Variants in SLC2A5 observed in about 807,000 individuals in gnomAD.
SLC2A5 encodes the protein solute carrier family 2, facilitated glucose transporter member 5.
In SLC2A5, 56 loss-of-function variants were observed where a neutral mutation model predicts 50.3. That is an observed-to-expected ratio of 1.11 (90% CI 0.90 to 1.39). The LOEUF (loss-of-function observed/expected upper bound fraction) is 1.39. Among genes scored for constraint, SLC2A5 ranks in the 40% most tolerant of loss-of-function variants. The pLI is 0.00. For synonymous variants in SLC2A5, 269 were observed against 281.9 expected, an observed-to-expected ratio of 0.95 and a Z score of 0.46; for missense variants, 566 against 650.1, an observed-to-expected ratio of 0.87 and a Z score of 1.41.
chr1:9,071,415 C>A (rs995135236), upstream of SLC2A5, among the ~76,000 whole-genome samples: 2 of 152,118 alleles, frequency 1.3e-5, no homozygotes, highest in Non-Finnish European at 2.9e-5. Context: ...TCTCCGTCCC[C>A]CATCCTCCCC....
chr1:9,088,191 G>C (rs748601458), intron 1 of SLC2A5, among the ~76,000 whole-genome samples: 5 of 151,612 alleles, frequency 3.3e-5, no homozygotes, highest in Non-Finnish European at 5.9e-5. Context: ...TCCTCCCTGG[G>C]TTTTTCCTTC....
At chr1:9,055,639 C>T (rs1641731877) in intron 3 of SLC2A5, among the ~76,000 whole-genome samples, 1 of 152,042 alleles carries the variant, frequency 6.6e-6, no homozygotes, top group East Asian at 1.9e-4. Flanking sequence ...ACACTGGCCA[C>T]ATGCAGTGTT....
intron 1 of SLC2A5, among the ~76,000 whole-genome samples, chr1:9,060,125 C>CA (rs1641882787): frequency 2.1e-5 from 3 of 143,832 alleles, no homozygotes; most frequent in South Asian, 2.3e-4. Flanking sequence ...ACTATACACA[C>CA]ACACAACACA....
chr1:9,039,706 G>A, intron 7 of SLC2A5, 44 bp from the exon 8 acceptor site: 1 of 1,456,490 alleles, frequency 6.9e-7, no homozygotes, highest in Non-Finnish European at 9.1e-7. Flanking sequence ...GGAGGAGGCG[G>A]CCTCGGCGCC....
Position 9,040,325 on chromosome 1 carries a change from A to G in SLC2A5, c.572-136T>C. 9.3e-7 allele frequency: 1 copy of G among 1,071,952 alleles called. No individual in the cohort carries two copies. The highest frequency in any genetic ancestry group is 1.3e-6 in the Non-Finnish European group (1 of 766,446). 66.4% of individuals were successfully genotyped at this position (1,071,952 alleles called of 1,614,324 possible). On this transcript the variant is annotated intron_variant, in intron 5 of 11. Transcript: ENST00000377424. This position sits in a 1 kb window ranked among gnomAD's most constrained non-coding sequence, Gnocchi z 4.3. ...GGGCACAGCTTTCCCAGCCCTAAGAACAGCAACTCCCGACGGTGGACACTC... is the reference window on the plus strand; with the variant it reads ...GGGCACAGCTTTCCCAGCCCTAAGAGCAGCAACTCCCGACGGTGGACACTC...
At position 9,039,907 on chromosome 1, in the gene SLC2A5, C is replaced by G. The variant is rs200930417; in HGVS notation, c.778G>C (p.Ala260Pro). ...IRQEDEAEKAAGFISVLKLFR... is the reference protein window; with the variant it reads ...IRQEDEAEKAPGFISVLKLFR... ...AGCTTCAGCACGGAGATGAAGCCCG[C>G]GGCCTTCTCTGCCTCATCCTCCTGC... Residue 260 changes from alanine (A) to proline (P), a missense_variant, in exon 7 of 12, where the codon GCG (alanine) becomes CCG (proline). Ala to Pro is a conservative substitution (Grantham distance 27, BLOSUM62 -1). Coordinates refer to ENST00000377424, the MANE Select transcript of SLC2A5 (RefSeq NM_003039.3). The G allele has an allele frequency of 1.7e-4, 272 of 1,612,898 alleles. No individual in the cohort carries two copies. Among genetic ancestry groups the G allele is most frequent in the Middle Eastern group, 8.2e-4 (5 of 6,062 alleles).
chr1:9,055,230 G>A (rs1208782794), intron 3 of SLC2A5, among the ~76,000 whole-genome samples: 2 of 151,998 alleles, frequency 1.3e-5, no homozygotes, highest in Non-Finnish European at 2.9e-5. Flanking sequence ...AAATGGAGTG[G>A]GGATTAGCCG....
intron 1 of SLC2A5, among the ~76,000 whole-genome samples, chr1:9,062,557 T>C (rs1358551561): frequency 6.6e-6 from 1 of 152,148 alleles, no homozygotes; most frequent in Admixed American, 6.5e-5. Context: ...AGGAGTGGGA[T>C]GGAAGGATTT....
chr1:9,074,678 C>A (rs1414186759), intron 2 of SLC2A5, among the ~76,000 whole-genome samples: 6 of 142,834 alleles, frequency 4.2e-5, no homozygotes, highest in Non-Finnish European at 7.7e-5. Flanking sequence ...TTTTCCTTTA[C>A]ACAACATATG....
intron 3 of SLC2A5, among the ~76,000 whole-genome samples, chr1:9,053,464 A>ATC (rs1557670726): frequency 5.4e-5 from 1 of 18,442 alleles, no homozygotes; most frequent in Admixed American, 8.3e-4. Context: ...TATATATATT[A>ATC]TATATATTTA....
intron 5 of SLC2A5, chr1:9,041,238 A>G (rs904865846): frequency 5.0e-6 from 2 of 398,010 alleles, no homozygotes; most frequent in Non-Finnish European, 8.8e-6. Flanking sequence ...CCCCGGTTAC[A>G]GGTGTCTGTG....
At chr1:9,039,478 G>T in intron 8 of SLC2A5, 74 bp downstream of exon 8, 2 of 1,118,240 alleles carry the variant, frequency 1.8e-6, no homozygotes, top group Non-Finnish European at 2.5e-6. Context: ...CTGCCCTTTT[G>T]GCGGCGCCGA....
chr1:9,061,213 C>T (rs1453462017), intron 1 of SLC2A5, among the ~76,000 whole-genome samples: 1 of 146,190 alleles, frequency 6.8e-6, no homozygotes, highest in Non-Finnish European at 1.5e-5. Context: ...GCACGGGACG[C>T]AGAGGTTGCA....
intron 1 of SLC2A5, among the ~76,000 whole-genome samples, chr1:9,060,721 C>CCA (rs1326985068): frequency 7.5e-5 from 11 of 146,150 alleles, no homozygotes; most frequent in Non-Finnish European, 1.6e-4. Context: ...AGCCCACCCC[C>CCA]CACACACACA....
intron 4 of SLC2A5, among the ~76,000 whole-genome samples, chr1:9,043,414 C>A (rs1470613492): frequency 6.6e-6 from 1 of 152,116 alleles, no homozygotes; most frequent in Non-Finnish European, 1.5e-5. Context: ...GTCTTTAAAG[C>A]AGCTCTTAGC....
chr1:9,093,012 C>T (rs569313330), upstream of SLC2A5, among the ~76,000 whole-genome samples: 1 of 152,290 alleles, frequency 6.6e-6, no homozygotes, highest in Non-Finnish European at 1.5e-5. Flanking sequence ...GGAGACCACT[C>T]GCCCCTTTTG....
chr1:9,052,973 A>T (rs202117912), intron 3 of SLC2A5, among the ~76,000 whole-genome samples: 13,490 of 68,296 alleles, frequency 0.2, 923 homozygotes, highest in South Asian at 0.32. Flanking sequence ...TTCAAAAAAA[A>T]ATATATATAT....
rs141185674 is a variant in SLC2A5 at position 9,081,749 on chromosome 1, A to T, written c.-59+3265T>A. ...AACAAAATGAGGTATCACTTCACAC[A>T]TTAGGATGGCTATCATACTTAAAAA... On this transcript the variant is annotated intron_variant, in intron 2 of 5. Coordinates refer to the SLC2A5 transcript ENST00000464985. Among the ~76,000 whole-genome samples the T allele has an allele frequency of 5.4e-4, 82 of 152,246 alleles. 1 individual carries two copies. In the South Asian group the frequency reaches 6.0e-3, roughly 11 times the overall value.
intron 3 of SLC2A5, among the ~76,000 whole-genome samples, chr1:9,053,342 T>G (rs185986876): frequency 0.011 from 599 of 56,212 alleles, 17 homozygotes; most frequent in Middle Eastern, 0.048. Context: ...ATTTATATAC[T>G]ATATATATTT....
Sources: gnomAD v4.1 joint callset for allele counts (sites outside exome capture counted in the v4.1 genomes callset) on GRCh38, gnomAD v4.1.1 for gene constraint, Gnocchi (gnomAD v3.1) non-coding constraint, MANE v1.5 for transcripts, NCBI Gene and HGNC (gene_info 2026-07-23, HGNC 2026-07-21) for gene names.